Variants in CXCL12 observed in about 807,000 individuals in gnomAD.
The protein encoded by CXCL12 is C-X-C motif chemokine ligand 12.
CXCL12 carries 4 observed loss-of-function variants against 10.7 expected under a neutral mutation model. That is an observed-to-expected ratio of 0.37 (90% CI 0.18 to 0.86). The LOEUF is 0.86. Among genes scored for constraint, CXCL12 ranks in the 40% least tolerant of loss-of-function variants. The probability of loss-of-function intolerance (pLI) is 0.43; values close to 1 mark genes in which losing one functional copy is unlikely to be tolerated. For synonymous variants in CXCL12, 54 were observed against 45.4 expected (o/e 1.19, Z -0.77); for missense variants, 122 against 110.4 (o/e 1.10, Z -0.47).
In CXCL12 at chr10:44,385,084, A is replaced by G. The variant is rs1376428189; in HGVS notation, c.-79T>C. 5.3e-6 allele frequency: 6 copies of G among 1,130,036 alleles called. No individual in the cohort carries two copies. The highest frequency in any genetic ancestry group is 3.0e-4 in the Middle Eastern group (1 of 3,320). 70.0% of individuals were successfully genotyped at this position (1,130,036 alleles called of 1,614,324 possible). On this transcript the variant is annotated 5_prime_UTR_variant, in exon 1 of 3. Transcript: ENST00000343575. ...CGAGCGGGCAATGCGGCTGACGGAG[A>G]GTGAAAGTGCGGCGGTGGGAGGCGC...
chr10:44,383,372 AC>A (rs1839691907), intron 1 of CXCL12, among the ~76,000 whole-genome samples: 3 of 151,878 alleles, frequency 2.0e-5, no homozygotes. Flanking sequence ...TCTGGGATGA[AC>A]CCCACGTCTC....
chr10:44,380,077 G>A (rs1258625726), intron 2 of CXCL12, among the ~76,000 whole-genome samples: 2 of 152,140 alleles, frequency 1.3e-5, no homozygotes, highest in Non-Finnish European at 2.9e-5. Flanking sequence ...TCGCTTCCCC[G>A]TGTTCAGACA....
chr10:44,376,373 C>T (rs1214647041), downstream of CXCL12, among the ~76,000 whole-genome samples: 1 of 152,220 alleles, frequency 6.6e-6, no homozygotes, highest in East Asian at 1.9e-4. Context: ...CTTGTCACCC[C>T]ACCCTGCCCT....
intron 1 of CXCL12, 33 bp from the exon 2 acceptor site, chr10:44,380,913 T>C (rs776537454): frequency 9.5e-6 from 15 of 1,576,332 alleles, no homozygotes; most frequent in Non-Finnish European, 1.3e-5. Context: ...GGCACTTTAC[T>C]ACCCTGCCAG....
downstream of CXCL12, among the ~76,000 whole-genome samples, chr10:44,373,945 T>C (rs1421709264): frequency 6.6e-6 from 1 of 152,086 alleles, no homozygotes. Context: ...CACTTCCTAG[T>C]TTCAACCCAC....
chr10:44,378,464 A>C lies in CXCL12; in HGVS notation c.*169T>G. 5.9e-6 allele frequency: 9 copies of C among 1,535,616 alleles called. No homozygotes were observed. Among genetic ancestry groups the C allele is most frequent in the Non-Finnish European group, 7.9e-6 (9 of 1,142,234 alleles). On this transcript the variant is annotated 3_prime_UTR_variant, in exon 3 of 3. Coordinates refer to ENST00000343575, the MANE Select transcript of CXCL12 (RefSeq NM_199168.4). Reference sequence around the variant, plus strand: ...ACCGTATGCTATAAATGCAGGGTCTAAATGCTGGCAAACCTCAGGCCCGAT... The same window carrying C: ...ACCGTATGCTATAAATGCAGGGTCTCAATGCTGGCAAACCTCAGGCCCGAT...
downstream of CXCL12, chr10:44,372,833 G>A: frequency 6.6e-7 from 1 of 1,505,686 alleles, no homozygotes; most frequent in South Asian, 1.3e-5. Flanking sequence ...ATGGAGAAGG[G>A]GGTGAGCCTC....
chr10:44,373,471 A>ATGCATCTCCCTTCAGAGGCCC (rs1377541417), downstream of CXCL12: 4 of 801,704 alleles, frequency 5.0e-6, no homozygotes, highest in Admixed American at 8.1e-5. Flanking sequence ...CACCTTGGCC[A>ATGCATCTCCCTTCAGAGGCCC]TGCATCTCCC....
At chr10:44,374,312 G>A, downstream of CXCL12, 1 of 385,514 alleles carries the variant, frequency 2.6e-6, no homozygotes, top group Non-Finnish European at 5.1e-6. Flanking sequence ...GGAGTCCGAA[G>A]AATGCAGGCG....
At position 44,384,838 on chromosome 10, in the gene CXCL12, T is replaced by C. The variant is rs901085443; in HGVS notation, c.61+107A>G. 7 of 1,127,112 alleles carry C rather than the reference T, an allele frequency of 6.2e-6. No homozygotes were observed. In the East Asian group the frequency reaches 9.1e-5, roughly 15 times the overall value. 69.8% of individuals were successfully genotyped at this position (1,127,112 alleles called of 1,614,324 possible). On this transcript the variant is annotated intron_variant, in intron 1 of 2. Transcript: ENST00000343575. ...AAGCGAGCTGCCTCCACCCCCACTG[T>C]GTCGGGCGGCGCAAACTGCGGGCGC...
chr10:44,372,978 C>T, downstream of CXCL12: 3 of 1,536,010 alleles, frequency 2.0e-6, no homozygotes, highest in Non-Finnish European at 2.6e-6. Flanking sequence ...GGCCAGGCTC[C>T]CTCAGCCCAG....
chr10:44,371,185 T>C (rs1003529826), downstream of CXCL12: 5 of 249,350 alleles, frequency 2.0e-5, no homozygotes, highest in African/African-American at 9.4e-5. Flanking sequence ...TGATTGTTAG[T>C]AGAGGAATTG....
chr10:44,383,804 GC>G (rs943543910), intron 1 of CXCL12, among the ~76,000 whole-genome samples: 34 of 152,292 alleles, frequency 2.2e-4, no homozygotes, highest in Middle Eastern at 6.8e-3. Context: ...CAGCTAGGAC[GC>G]CGGGGCCACG....
chr10:44,372,794 C>A, downstream of CXCL12: 1 of 1,461,234 alleles, frequency 6.8e-7, no homozygotes. Context: ...GCTGCCCTCC[C>A]AGAAGAGGCA....
In CXCL12 at chr10:44,385,087, G is replaced by C; in HGVS notation, c.-82C>G. Reference sequence around the variant, plus strand: ...GCGGGCAATGCGGCTGACGGAGAGTGAAAGTGCGGCGGTGGGAGGCGCGCG... The same window carrying C: ...GCGGGCAATGCGGCTGACGGAGAGTCAAAGTGCGGCGGTGGGAGGCGCGCG... On this transcript the variant is annotated 5_prime_UTR_variant, in exon 1 of 3. Coordinates refer to ENST00000343575, the MANE Select transcript of CXCL12 (RefSeq NM_199168.4). 1.8e-6 allele frequency: 2 copies of C among 1,116,026 alleles called. No homozygotes were observed. The highest frequency in any genetic ancestry group is 2.4e-6 in the Non-Finnish European group (2 of 826,770). 69.1% of individuals were successfully genotyped at this position (1,116,026 alleles called of 1,614,324 possible).
chr10:44,371,835 T>G (rs1452026962), downstream of CXCL12: 4 of 152,454 alleles, frequency 2.6e-5, no homozygotes, highest in Admixed American at 2.6e-4. Context: ...TAAGACTGAA[T>G]GAAAAACAAA....
downstream of CXCL12, chr10:44,371,350 G>T (rs766601484): frequency 8.3e-6 from 4 of 484,608 alleles, no homozygotes; most frequent in African/African-American, 5.9e-5. Flanking sequence ...TGGATTGGGG[G>T]CAGGTACATC....
chr10:44,379,834 A>T (rs1379956229), intron 2 of CXCL12, among the ~76,000 whole-genome samples: 2 of 152,246 alleles, frequency 1.3e-5, no homozygotes, highest in Admixed American at 1.3e-4. Flanking sequence ...CAGAAAAAAC[A>T]TTCATTTTCT....
At position 44,378,521 on chromosome 10, in the gene CXCL12, C is replaced by A. The variant is rs1230276294; in HGVS notation, c.*112G>T. On this transcript the variant is annotated 3_prime_UTR_variant, in exon 3 of 3. Coordinates refer to ENST00000343575, the MANE Select transcript of CXCL12 (RefSeq NM_199168.4). The stretch of plus-strand genomic sequence containing the variant: ...TCAATGTGCCCACCCCACACACACA[C>A]CTGGTCCTCATGGTTAAGGCCCCCT... 2.5e-6 allele frequency: 4 copies of A among 1,568,900 alleles called. No individual in the cohort carries two copies. The highest frequency in any genetic ancestry group is 3.5e-6 in the Non-Finnish European group (4 of 1,156,952).
Sources: allele counts gnomAD v4.1 joint callset (sites outside exome capture counted in the v4.1 genomes callset), GRCh38; gene constraint gnomAD v4.1.1; transcripts MANE v1.5; gene names NCBI Gene and HGNC (gene_info 2026-07-23, HGNC 2026-07-21).